The following CD8A variants were observed in gnomAD, a reference collection of about 807,000 sequenced individuals.
CD8A encodes the protein T-cell surface glycoprotein CD8 alpha chain.
In CD8A, 25 loss-of-function variants were observed where a neutral mutation model predicts 24.2. The ratio of observed to expected loss-of-function variants is 1.03; its 90% CI spans 0.75 to 1.44. CD8A has a LOEUF of 1.44. Among genes scored for constraint, CD8A ranks in the 40% most tolerant of loss-of-function variants. The pLI is 0.00. For missense variants in CD8A, 360 were observed against 319.7 expected, an observed-to-expected ratio of 1.13 and a Z score of -0.96; for synonymous variants, 165 against 149.9, an observed-to-expected ratio of 1.10 and a Z score of -0.74.
chr2:86,804,629 CAG>C (rs879481243), intron 2 of CD8A, among the ~76,000 whole-genome samples: 12 of 151,916 alleles, frequency 7.9e-5, no homozygotes, highest in Admixed American at 5.9e-4. Context: ...TTTTTAGAGA[CAG>C]AGTCTAGCTC....
rs1223149581 is a variant in CD8A, at chr2:86,785,274, T to TAA, written c.*645_*646insTT. The TAA allele has an allele frequency of 2.3e-6, 1 of 441,102 alleles. No homozygotes were observed. Among genetic ancestry groups the TAA allele is most frequent in the Non-Finnish European group, 4.5e-6 (1 of 222,836 alleles). 27.3% of individuals were successfully genotyped at this position (441,102 alleles called of 1,614,324 possible). On this transcript the variant is annotated 3_prime_UTR_variant, in exon 6 of 6. Transcript: ENST00000283635. Reference sequence around the variant, plus strand: ...AGGTCTATACAATTTTAGGCTTGATTATAAAAAAAAAAAGTCTGATATTGT... The same window carrying TAA: ...AGGTCTATACAATTTTAGGCTTGATTAAATAAAAAAAAAAAGTCTGATATTGT...
chr2:86,798,392 C>G (rs1418620178), intron 3 of CD8A, among the ~76,000 whole-genome samples: 2 of 152,144 alleles, frequency 1.3e-5, no homozygotes, highest in African/African-American at 2.4e-5. Flanking sequence ...TCAGGCTGGT[C>G]TCGAACTCCC....
At chr2:86,800,410 C>A (rs1333631336) in intron 3 of CD8A, among the ~76,000 whole-genome samples, 2 of 140,778 alleles carry the variant, frequency 1.4e-5, no homozygotes, top group African/African-American at 2.7e-5. Context: ...AGCAGTGAGC[C>A]GAGATCACAC....
At chr2:86,786,092 C>T (rs1573456187) in intron 5 of CD8A, 121 bp from the exon 6 acceptor site, 3 of 815,008 alleles carry the variant, frequency 3.7e-6, no homozygotes, top group East Asian at 2.4e-5. Flanking sequence ...GTTCCTGGGG[C>T]ACCAGCATGG....
intron 2 of CD8A, among the ~76,000 whole-genome samples, chr2:86,803,529 G>A (rs1279441953): frequency 2.6e-5 from 4 of 152,150 alleles, no homozygotes; most frequent in African/African-American, 9.7e-5. Context: ...AATATTGCAC[G>A]ATCTTACCTG....
intron 3 of CD8A, among the ~76,000 whole-genome samples, chr2:86,800,443 C>G (rs1354320329): frequency 2.1e-5 from 2 of 94,534 alleles, no homozygotes; most frequent in African/African-American, 8.4e-5. Flanking sequence ...GCCTGGGCGA[C>G]AGAAAAAAAA....
intron 2 of CD8A, 92 bp from the exon 3 acceptor site, chr2:86,789,842 C>T: frequency 8.2e-6 from 6 of 729,738 alleles, no homozygotes; most frequent in Non-Finnish European, 1.2e-5. Flanking sequence ...ACGGGGACGC[C>T]TCCCCCCGGT....
At chr2:86,791,027 C>A, upstream of CD8A, 3 of 720,988 alleles carry the variant, frequency 4.2e-6, no homozygotes, top group Non-Finnish European at 5.0e-6. Flanking sequence ...TCCAGCCCGG[C>A]GAGGAGGCTG....
In CD8A at chr2:86,800,760, G is replaced by C. The variant is rs548878071; in HGVS notation, c.-271+751C>G. 4.6e-5 allele frequency among the ~76,000 whole-genome samples: 7 copies of C among 152,282 alleles called. No homozygotes were observed. The East Asian group carries it at 1.4e-3, about 29-fold the overall frequency. On this transcript the variant is annotated intron_variant, in intron 3 of 8. Coordinates refer to the CD8A transcript ENST00000409511. ...AACAAAATTGGAAGAAGGCCTTCTA[G>C]ATTTGGCAACTATCACAGGTTGAAT...
chr2:86,790,262 G>T, intron 2 of CD8A, 66 bp downstream of exon 2: 1 of 1,166,374 alleles, frequency 8.6e-7, no homozygotes, highest in Non-Finnish European at 1.3e-6. Context: ...GGGCCCAGGT[G>T]TGGAAAACAG....
In CD8A at chr2:86,785,780, T is replaced by C. The variant is rs778854897; in HGVS notation, c.*140A>G. On this transcript the variant is annotated 3_prime_UTR_variant, in exon 6 of 6. Coordinates refer to ENST00000283635, the MANE Select transcript of CD8A (RefSeq NM_001768.7). ...CAAACACATAAAGAAAAAGTAATCT[T>C]TCCCACCCCGCCCCCACTAAAATAA... 1.2e-6 allele frequency: 1 copy of C among 801,282 alleles called. No individual in the cohort carries two copies. The highest frequency in any genetic ancestry group is 2.3e-6 in the Non-Finnish European group (1 of 438,150). The allele number at this position is 801,282 out of a possible 1,614,324, so 49.6% of individuals were successfully genotyped here.
In CD8A at chr2:86,788,516, C is replaced by A. The variant is rs1382139648; in HGVS notation, c.656+14G>T. 1 of 1,576,822 alleles carries A rather than the reference C, an allele frequency of 6.3e-7. No individual in the cohort carries two copies. The highest frequency in any genetic ancestry group is 8.7e-7 in the Non-Finnish European group (1 of 1,151,724). ...CTGGCCAAGGTGAGCAGGCTGAGTT[C>A]AAAAGAGACTCACCGGGGACATTTG... On this transcript the variant is annotated intron_variant, in intron 5 of 5. Transcript: ENST00000283635.
chr2:86,787,791 C>T (rs1481554367), intron 5 of CD8A, among the ~76,000 whole-genome samples: 1 of 151,994 alleles, frequency 6.6e-6, no homozygotes, highest in Non-Finnish European at 1.5e-5. Context: ...GGAGTATTAC[C>T]CCTATCACAG....
chr2:86,799,401 C>T (rs1019571827), intron 3 of CD8A, among the ~76,000 whole-genome samples: 2 of 152,174 alleles, frequency 1.3e-5, no homozygotes, highest in Non-Finnish European at 2.9e-5. Flanking sequence ...CATGTAATTT[C>T]CATCCGTTAG....
Position 86,790,309 on chromosome 2 carries a change from C to G in CD8A, c.403+19G>C, listed in dbSNP as rs376886450. 3 of 1,588,010 alleles carry G rather than the reference C, an allele frequency of 1.9e-6. No homozygotes were observed. The highest frequency in any genetic ancestry group is 1.7e-5 in the Admixed American group (1 of 60,002). The stretch of plus-strand genomic sequence containing the variant: ...CCCCAAGCCCCACGCGGAGAGGTGC[C>G]GCAACCCGGCGCGCGGACCTGGCAG... On this transcript the variant is annotated intron_variant, in intron 2 of 5. Transcript: ENST00000283635.
chr2:86,787,811 A>G (rs1204605053), intron 5 of CD8A, among the ~76,000 whole-genome samples: 1 of 152,096 alleles, frequency 6.6e-6, no homozygotes, highest in Non-Finnish European at 1.5e-5. Flanking sequence ...GTGCCTGACT[A>G]GAGCAGGCAC....
At chr2:86,788,508 G>GA in intron 5 of CD8A, 22 bp downstream of exon 5, 1 of 1,344,012 alleles carries the variant, frequency 7.4e-7, no homozygotes, top group Non-Finnish European at 1.0e-6. Context: ...AGGTGAGCAG[G>GA]CTGAGTTCAA....
chr2:86,807,615 T>C (rs1305656723), exon 2 of CD8A: 1 of 152,332 alleles, frequency 6.6e-6, no homozygotes. Context: ...ACGCCAGCCA[T>C]GAGGACAGAT....
rs1455347019 is a variant in CD8A at position 86,790,865 on chromosome 2, C to A, written c.-40G>T. 1.3e-6 allele frequency: 2 copies of A among 1,533,740 alleles called. No individual in the cohort carries two copies. The highest frequency in any genetic ancestry group is 1.7e-6 in the Non-Finnish European group (2 of 1,144,058). On this transcript the variant is annotated 5_prime_UTR_variant, in exon 1 of 6. Coordinates refer to ENST00000283635, the MANE Select transcript of CD8A (RefSeq NM_001768.7). ...GACGCTGCTTGGCTCGAAGCTCGGG[C>A]GCGAGGGGAGGCGCGCGGGAGCCGG... is the stretch of plus-strand genomic sequence containing the variant.
Sources: allele counts gnomAD v4.1 joint callset (sites outside exome capture counted in the v4.1 genomes callset), GRCh38; gene constraint gnomAD v4.1.1; transcripts MANE v1.5; gene names NCBI Gene and HGNC (gene_info 2026-07-23, HGNC 2026-07-21).